The following TBX15 variants were observed in gnomAD, a reference collection of about 807,000 sequenced individuals.
The protein encoded by TBX15 is T-box transcription factor 15.
TBX15 carries 18 observed loss-of-function variants against 53.9 expected under a neutral mutation model. The observed-to-expected ratio is 0.33, with a 90% CI of 0.23 to 0.49. The LOEUF (loss-of-function observed/expected upper bound fraction) is 0.49. TBX15 is among the 20% of genes least tolerant of loss of function. The pLI, the probability that TBX15 is intolerant of heterozygous loss-of-function variation, is 0.98. For missense variants in TBX15, 692 were observed against 749.5 expected, an observed-to-expected ratio of 0.92 and a Z score of 0.90; for synonymous variants, 295 against 278.0, an observed-to-expected ratio of 1.06 and a Z score of -0.61.
chr1:118,987,597 G>A lies in TBX15; in HGVS notation c.199C>T (p.His67Tyr). 3.2e-6 allele frequency: 5 copies of A among 1,546,872 alleles called. No individual in the cohort carries two copies. Among genetic ancestry groups the A allele is most frequent in the Non-Finnish European group, 4.4e-6 (5 of 1,146,450 alleles). ...EDAAAHGLEP[H>Y]PDSEQSTGSD... is the part of the protein sequence containing the mutation. ...TCGGCTGCGACGCACTCACCCGGGT[G>A]AGGCTCCAGGCCGTGTGCCGCCGCG... Residue 67 changes from histidine to tyrosine, a missense_variant, in exon 1 of 8, where the codon CAC (histidine) becomes TAC (tyrosine). His to Tyr is a moderately conservative substitution (Grantham distance 83, BLOSUM62 2). Transcript: ENST00000369429.
intron 1 of TBX15, among the ~76,000 whole-genome samples, chr1:118,937,078 T>C (rs1359736891): frequency 6.6e-6 from 1 of 152,090 alleles, no homozygotes; most frequent in Non-Finnish European, 1.5e-5. Context: ...GATGAGAGGA[T>C]TGAGAAGACT....
Position 118,987,622 on chromosome 1 carries a change from G to A in TBX15, c.174C>T (p.Asp58=). Reference sequence around the variant, plus strand: ...GAGGCTCCAGGCCGTGTGCCGCCGCGTCCTCCGTGTCTCCGAGTGGGCCCG... The same window carrying A: ...GAGGCTCCAGGCCGTGTGCCGCCGCATCCTCCGTGTCTCCGAGTGGGCCCG... The part of the protein sequence containing the change: ...SPAGPLGDTE[D]AAAHGLEPHP... The change falls in exon 1 of 8, where the codon GAC becomes GAT. Residue 58 remains aspartate, a synonymous_variant. Transcript: ENST00000369429. 4 of 1,549,442 alleles carry A rather than the reference G, an allele frequency of 2.6e-6. No individual in the cohort carries two copies. Among genetic ancestry groups the A allele is most frequent in the Admixed American group, 2.0e-5 (1 of 51,010 alleles).
At position 118,884,796 on chromosome 1, in the gene TBX15, C is replaced by A; in HGVS notation, c.1745G>T (p.Cys582Phe). 1 of 1,613,932 alleles carries A rather than the reference C, an allele frequency of 6.2e-7. No individual in the cohort carries two copies. Among genetic ancestry groups the A allele is most frequent in the Non-Finnish European group, 8.5e-7 (1 of 1,180,010 alleles). Residue 582 changes from cysteine (C) to phenylalanine (F), a missense_variant, in exon 8 of 8, where the codon TGT becomes TTT. Cys to Phe is a radical substitution (Grantham distance 205). Transcript: ENST00000369429. ...AACTGCCCCATACTGCCGGCCATCA[C>A]AAGTGTTGGTTGCCTGTTGGTTATT... Reference protein sequence around the residue: ...SPNNQQATNTCDGRQYGAVPG... With the variant: ...SPNNQQATNTFDGRQYGAVPG...
intron 6 of TBX15, among the ~76,000 whole-genome samples, chr1:118,908,025 C>T (rs1373146710): frequency 3.3e-5 from 5 of 152,048 alleles, no homozygotes; most frequent in Admixed American, 1.3e-4. Context: ...GATCAGTCTC[C>T]GATTTTAATC....
chr1:118,909,872 C>A (rs889965544), intron 6 of TBX15, among the ~76,000 whole-genome samples: 3 of 152,190 alleles, frequency 2.0e-5, no homozygotes, highest in African/African-American at 7.2e-5. Flanking sequence ...TGAGCCACCG[C>A]ACCCTGCCAG....
chr1:118,893,485 G>GGAAGGAAAGAAAGAAA lies in TBX15; in HGVS notation c.1024+5542_1024+5543insTTTCTTTCTTTCCTTC, dbSNP rs1439212107. Among the ~76,000 whole-genome samples the GGAAGGAAAGAAAGAAA allele has an allele frequency of 1.1e-3, 77 of 72,122 alleles. 3 individuals are homozygous for GGAAGGAAAGAAAGAAA. The East Asian group carries it at 0.017, about 16-fold the overall frequency. The allele number at this position is 72,122 out of a possible 152,430, so 47.3% of individuals were successfully genotyped here. On this transcript the variant is annotated intron_variant, in intron 7 of 7. Transcript: ENST00000369429. ...GGAAAGAAAGGAAGGAAGGAAGGAA[G>GGAAGGAAAGAAAGAAA]GAAAGAAAGAAAGAAAGAAAGAAAG...
chr1:118,897,342 G>A (rs1449453237), intron 7 of TBX15, among the ~76,000 whole-genome samples: 1 of 152,148 alleles, frequency 6.6e-6, no homozygotes, highest in East Asian at 1.9e-4. Context: ...CTGGGTGCCA[G>A]GCCCTGTAGT....
At chr1:118,964,153 A>G (rs1011639580) in intron 1 of TBX15, among the ~76,000 whole-genome samples, 9 of 152,248 alleles carry the variant, frequency 5.9e-5, no homozygotes, top group African/African-American at 2.2e-4. Flanking sequence ...ACAGAAACTG[A>G]TAACTGAAAC....
intron 1 of TBX15, among the ~76,000 whole-genome samples, chr1:118,970,838 G>A (rs1404132355): frequency 6.6e-6 from 1 of 152,088 alleles, no homozygotes; most frequent in African/African-American, 2.4e-5. Flanking sequence ...GTACCATGTG[G>A]CTGAGCCCTA....
rs1356451389 is a variant in TBX15 at position 118,933,898 on chromosome 1, A to G, written c.206-2066T>C. 2.0e-5 allele frequency among the ~76,000 whole-genome samples: 3 copies of G among 152,338 alleles called. No individual in the cohort carries two copies. The East Asian group carries it at 5.8e-4, about 29-fold the overall frequency. ...GCCACAATTACAAAAAATTGGAAAG[A>G]GACACCTTAAGTAGGACCCAACAGA... On this transcript the variant is annotated intron_variant, in intron 1 of 7. Coordinates refer to ENST00000369429, the MANE Select transcript of TBX15 (RefSeq NM_001330677.2).
intron 6 of TBX15, among the ~76,000 whole-genome samples, chr1:118,905,129 A>G (rs1459840765): frequency 1.3e-5 from 2 of 152,234 alleles, no homozygotes; most frequent in African/African-American, 2.4e-5. Context: ...ATATACTCTT[A>G]CTTCACTGAA....
chr1:118,971,483 A>T (rs948377658), intron 1 of TBX15, among the ~76,000 whole-genome samples: 5 of 152,210 alleles, frequency 3.3e-5, no homozygotes, highest in African/African-American at 1.2e-4. Context: ...CTGAGTGCCA[A>T]CAGGAATTCA....
chr1:118,985,297 C>A (rs946470667), intron 1 of TBX15, among the ~76,000 whole-genome samples: 1 of 152,142 alleles, frequency 6.6e-6, no homozygotes, highest in Admixed American at 6.5e-5. Context: ...CTGCATTACT[C>A]CTCCATACAC....
intron 1 of TBX15, among the ~76,000 whole-genome samples, chr1:118,970,046 C>A (rs760274642): frequency 1.3e-5 from 2 of 152,228 alleles, no homozygotes; most frequent in Non-Finnish European, 2.9e-5. Context: ...CTTCCCCCTG[C>A]GTGTTCTCTG....
chr1:118,892,918 A>G (rs568796486), intron 7 of TBX15, among the ~76,000 whole-genome samples: 1 of 152,082 alleles, frequency 6.6e-6, no homozygotes, highest in Non-Finnish European at 1.5e-5. Flanking sequence ...TTCCCAACTT[A>G]CTATGTTGTT....
At chr1:118,979,928 G>A (rs1657591906) in intron 1 of TBX15, among the ~76,000 whole-genome samples, 1 of 152,192 alleles carries the variant, frequency 6.6e-6, no homozygotes, top group African/African-American at 2.4e-5. Flanking sequence ...GCCAAGCCGC[G>A]CCTGACCCGT....
chr1:118,906,530 C>T (rs1243339883), intron 6 of TBX15, among the ~76,000 whole-genome samples: 1 of 152,148 alleles, frequency 6.6e-6, no homozygotes, highest in African/African-American at 2.4e-5. Flanking sequence ...ACAGGGGACG[C>T]CTATTTGTGC....
intron 1 of TBX15, among the ~76,000 whole-genome samples, chr1:118,978,949 C>T (rs1657531944): frequency 6.6e-6 from 1 of 152,194 alleles, no homozygotes; most frequent in South Asian, 2.1e-4. Flanking sequence ...TTGCCCCTCC[C>T]CACTGTGAAA....
chr1:118,887,461 G>A (rs1431315800), intron 7 of TBX15, among the ~76,000 whole-genome samples: 1 of 152,162 alleles, frequency 6.6e-6, no homozygotes, highest in East Asian at 1.9e-4. Flanking sequence ...GATCACTTGA[G>A]GTCAGGAGTT....
Sources: allele counts gnomAD v4.1 joint callset (sites outside exome capture counted in the v4.1 genomes callset), GRCh38; gene constraint gnomAD v4.1.1; transcripts MANE v1.5; gene names NCBI Gene and HGNC (gene_info 2026-07-23, HGNC 2026-07-21).